The following CEP57 variants were observed in gnomAD, a reference collection of about 807,000 sequenced individuals.
CEP57 encodes the protein centrosomal protein 57, also known as centrosomal protein of 57 kDa.
In CEP57, 40 loss-of-function variants were observed where a neutral mutation model predicts 68.0. The observed-to-expected ratio is 0.59, with a 90% CI of 0.46 to 0.77. The LOEUF (loss-of-function observed/expected upper bound fraction) is 0.77, where lower values mean the gene tolerates loss of function less well. CEP57 is among the 30% of genes least tolerant of loss of function. CEP57 has a pLI of 0.00. For synonymous variants in CEP57, 219 were observed against 198.7 expected, an observed-to-expected ratio of 1.10 and a Z score of -0.86; for missense variants, 606 against 580.7, an observed-to-expected ratio of 1.04 and a Z score of -0.45.
chr11:95,812,081 G>C (rs1862088689), intron 2 of CEP57, among the ~76,000 whole-genome samples: 1 of 152,116 alleles, frequency 6.6e-6, no homozygotes, highest in Non-Finnish European at 1.5e-5. Context: ...ATTTACTGCA[G>C]TCAACATAAT....
At chr11:95,826,230 TCTTC>T (rs1862737925) in intron 8 of CEP57, 1 of 152,230 alleles carries the variant, frequency 6.6e-6, no homozygotes, top group South Asian at 2.1e-4. Flanking sequence ...ATATACTTTC[TCTTC>T]CTTAGGATTT....
Position 95,812,993 on chromosome 11 carries a change from T to C in CEP57, c.264T>C (p.Ile88=). ...DKIRRLELER[I]QAEESVKTLS... is the part of the protein sequence containing the mutation. Reference sequence around the variant, plus strand: ...TTCGACGCTTGGAACTTGAGAGGATTCAGGCAGAAGAAAGTGTGAAAACCT... The same window carrying C: ...TTCGACGCTTGGAACTTGAGAGGATCCAGGCAGAAGAAAGTGTGAAAACCT... The change falls in exon 3 of 11, where the codon ATT becomes ATC. Residue 88 remains isoleucine, a synonymous_variant. Coordinates refer to ENST00000325542, the MANE Select transcript of CEP57 (RefSeq NM_014679.5). 1 of 1,614,080 alleles carries C rather than the reference T, an allele frequency of 6.2e-7. No individual in the cohort carries two copies. Among genetic ancestry groups the C allele is most frequent in the Non-Finnish European group, 8.5e-7 (1 of 1,180,014 alleles).
intron 2 of CEP57, among the ~76,000 whole-genome samples, chr11:95,802,551 C>G (rs940299381): frequency 5.3e-5 from 8 of 152,146 alleles, no homozygotes; most frequent in Non-Finnish European, 1.2e-4. Flanking sequence ...CCGTGCCTGG[C>G]AAACCTGACA....
intron 2 of CEP57, among the ~76,000 whole-genome samples, chr11:95,802,301 C>G (rs1347148878): frequency 6.7e-6 from 1 of 148,196 alleles, no homozygotes; most frequent in Non-Finnish European, 1.5e-5. Context: ...GTCACCCAGG[C>G]TGGAGTGCGG....
intron 1 of CEP57, among the ~76,000 whole-genome samples, chr11:95,797,388 G>T (rs1049998538): frequency 6.6e-6 from 1 of 151,988 alleles, no homozygotes; most frequent in African/African-American, 2.4e-5. Flanking sequence ...GGCTGGTCTC[G>T]AACTCCTGAC....
chr11:95,812,538 G>A (rs1862113887), intron 2 of CEP57, among the ~76,000 whole-genome samples: 1 of 151,862 alleles, frequency 6.6e-6, no homozygotes, highest in South Asian at 2.1e-4. Context: ...CCCCACCCGG[G>A]TTCAAGCGAT....
At chr11:95,822,905 C>G in intron 8 of CEP57, 1 of 328,644 alleles carries the variant, frequency 3.0e-6, no homozygotes, top group Non-Finnish European at 5.9e-6. Flanking sequence ...TAGTATCAAT[C>G]CTGTTGAGTT....
At chr11:95,813,941 GA>G (rs1312418299) in intron 4 of CEP57, among the ~76,000 whole-genome samples, 1 of 152,192 alleles carries the variant, frequency 6.6e-6, no homozygotes, top group African/African-American at 2.4e-5. Flanking sequence ...AAACTCTTCA[GA>G]ATTGTTACTT....
chr11:95,831,887 T>A lies in CEP57; in HGVS notation c.*631T>A. The A allele has an allele frequency of 2.6e-5, 4 of 152,254 alleles. 1 individual carries two copies. The highest frequency in any genetic ancestry group is 2.6e-4 in the Admixed American group (4 of 15,272). 9.4% of individuals were successfully genotyped at this position (152,254 alleles called of 1,614,324 possible). A position where few individuals can be genotyped will look rare whatever the true frequency, so the allele number is the denominator to read the frequency against. On this transcript the variant is annotated 3_prime_UTR_variant, in exon 11 of 11. Transcript: ENST00000325542. ...ACCCAAGCAGTCATTTTGAGTTATA[T>A]CTATAAAAATTATAAAAGGATTTTT...
In CEP57 at chr11:95,831,353, A is replaced by C. The variant is rs1448990705; in HGVS notation, c.*97A>C. On this transcript the variant is annotated 3_prime_UTR_variant, in exon 11 of 11. Transcript: ENST00000325542. ...CAGGTCTCATACTCACTTATGTTGG[A>C]ATTAATTAATAGCAGGTGTTAAAGG... 5 of 873,498 alleles carry C rather than the reference A, an allele frequency of 5.7e-6. No homozygotes were observed. Among genetic ancestry groups the C allele is most frequent in the Non-Finnish European group, 9.3e-6 (5 of 535,710 alleles). The allele number at this position is 873,498 out of a possible 1,614,324, so 54.1% of individuals were successfully genotyped here. A position where few individuals can be genotyped will look rare whatever the true frequency, so the allele number is the denominator to read the frequency against.
chr11:95,818,062 T>G, intron 5 of CEP57, 159 bp downstream of exon 5: 2 of 623,738 alleles, frequency 3.2e-6, no homozygotes, highest in East Asian at 5.8e-5. Flanking sequence ...GGAGAGAATG[T>G]TCACATTTTA....
chr11:95,829,066 T>C (rs1436615799), intron 9 of CEP57, 121 bp from the exon 10 acceptor site: 10 of 1,021,570 alleles, frequency 9.8e-6, no homozygotes, highest in Non-Finnish European at 1.2e-5. Flanking sequence ...AATTTATTGC[T>C]CTGTTCAAAA....
At chr11:95,808,343 A>T (rs1861902092) in intron 2 of CEP57, among the ~76,000 whole-genome samples, 2 of 152,178 alleles carry the variant, frequency 1.3e-5, no homozygotes, top group Admixed American at 1.3e-4. Context: ...CATCATAATG[A>T]TAGGATCAAA....
intron 2 of CEP57, among the ~76,000 whole-genome samples, chr11:95,801,222 T>C (rs1471938810): frequency 1.3e-5 from 2 of 152,158 alleles, no homozygotes; most frequent in Non-Finnish European, 1.5e-5. Context: ...GAAAAGTGTT[T>C]ACTGAAATAA....
chr11:95,810,098 A>T (rs1861988067), intron 2 of CEP57, among the ~76,000 whole-genome samples: 1 of 152,168 alleles, frequency 6.6e-6, no homozygotes, highest in Non-Finnish European at 1.5e-5. Flanking sequence ...AAAGACAGAA[A>T]CCACATGATT....
intron 4 of CEP57, chr11:95,815,305 G>C (rs2135328671): frequency 6.6e-6 from 1 of 152,212 alleles, no homozygotes; most frequent in East Asian, 1.9e-4. Flanking sequence ...TATTTCAGTG[G>C]TTATAATTTT....
chr11:95,826,513 T>C (rs1862748921), intron 8 of CEP57: 1 of 152,030 alleles, frequency 6.6e-6, no homozygotes, highest in Non-Finnish European at 1.5e-5. Flanking sequence ...ACCTAGGTGA[T>C]GGGTTGATCT....
chr11:95,814,227 G>A (rs187421874), intron 4 of CEP57, among the ~76,000 whole-genome samples: 2 of 151,206 alleles, frequency 1.3e-5, no homozygotes, highest in African/African-American at 4.9e-5. Flanking sequence ...TAACTTTTGT[G>A]TGTGTGTGTA....
chr11:95,802,287 C>G (rs1354958771), intron 2 of CEP57, among the ~76,000 whole-genome samples: 1 of 146,838 alleles, frequency 6.8e-6, no homozygotes, highest in Non-Finnish European at 1.5e-5. Flanking sequence ...GACAGTCTCA[C>G]TCTGTCACCC....
Sources: allele counts gnomAD v4.1 joint callset (sites outside exome capture counted in the v4.1 genomes callset), GRCh38; gene constraint gnomAD v4.1.1; transcripts MANE v1.5; gene names NCBI Gene and HGNC (gene_info 2026-07-23, HGNC 2026-07-21).